PNKP: variants seen among roughly 807,000 people sequenced by gnomAD.
The protein encoded by PNKP is polynucleotide kinase 3'-phosphatase, also known as bifunctional polynucleotide phosphatase/kinase.
In PNKP, 82 loss-of-function variants were observed where a neutral mutation model predicts 66.2. The ratio of observed to expected loss-of-function variants is 1.24; its 90% CI spans 1.04 to 1.49. PNKP has a LOEUF of 1.49. Ranked by LOEUF, PNKP falls within the 40% of genes most tolerant of loss-of-function variation. The pLI is 0.00. For synonymous variants in PNKP, 412 were observed against 298.9 expected (o/e 1.38, Z -3.90); for missense variants, 907 against 706.8 (o/e 1.28, Z -3.21).
intron 5 of PNKP, 39 bp from the exon 6 acceptor site, chr19:49,864,275 A>G: frequency 5.0e-6 from 8 of 1,611,940 alleles, no homozygotes; most frequent in African/African-American, 1.3e-5. Flanking sequence ...ACCCGGGGCC[A>G]GAGGTGGACT....
chr19:49,862,491 C>T (rs747977367), intron 10 of PNKP, 28 bp from the exon 11 acceptor site: 10 of 1,596,580 alleles, frequency 6.3e-6, no homozygotes, highest in Non-Finnish European at 7.7e-6. Flanking sequence ...ACATCAGACA[C>T]AGGCCAGGGT....
At position 49,865,196 on chromosome 19, in the gene PNKP, T is replaced by G. The variant is rs758847875; in HGVS notation, c.429A>C (p.Ser143=). The G allele has an allele frequency of 6.8e-6, 11 of 1,614,236 alleles. No homozygotes were observed. The highest frequency in any genetic ancestry group is 9.3e-6 in the Non-Finnish European group (11 of 1,180,038). The change falls in exon 4 of 17, where the codon TCA becomes TCC. Residue 143 remains serine (S), a synonymous_variant. Transcript: ENST00000322344. ...AELPKKRMRK[S]NPGWENLEKL... Reference sequence around the variant, plus strand: ...TCTCCAAGTTCTCCCAGCCGGGGTTTGACTTCCGCATACGCTTCTTCGGCA... The same window carrying G: ...TCTCCAAGTTCTCCCAGCCGGGGTTGGACTTCCGCATACGCTTCTTCGGCA...
chr19:49,862,854 T>C, intron 8 of PNKP, 116 bp from the exon 9 acceptor site: 3 of 1,101,770 alleles, frequency 2.7e-6, no homozygotes, highest in South Asian at 2.6e-5. Context: ...TCCCCCGACC[T>C]TTCATGTCCT....
In PNKP at chr19:49,865,130, G is replaced by A. The variant is rs1370450440; in HGVS notation, c.495C>T (p.Gly165=). The A allele has an allele frequency of 6.2e-7, 1 of 1,613,540 alleles. No individual in the cohort carries two copies. The highest frequency in any genetic ancestry group is 1.7e-5 in the Admixed American group (1 of 60,026). The part of the protein sequence containing the change: ...VFTAAGVKPQ[G]KVAGFDLDGT... ...CAGCCCTCGGCGTGGCCCTCACCTT[G>A]CCCTGGGGTTTCACCCCAGCTGCGG... The change falls in exon 4 of 17, where the codon GGC becomes GGT. Residue 165 remains glycine, a synonymous_variant. Coordinates refer to ENST00000322344, the MANE Select transcript of PNKP (RefSeq NM_007254.4).
intron 10 of PNKP, 24 bp from the exon 11 acceptor site, chr19:49,862,487 G>A (rs2074782689): frequency 6.3e-7 from 1 of 1,596,248 alleles, no homozygotes; most frequent in South Asian, 1.1e-5. Context: ...ACGAACATCA[G>A]ACACAGGCCA....
At position 49,862,111 on chromosome 19, in the gene PNKP, T is replaced by TG. The variant is rs757518270; in HGVS notation, c.1127-7dup. 2.0e-5 allele frequency: 32 copies of TG among 1,613,918 alleles called. No individual in the cohort carries two copies. The East Asian group carries it at 4.0e-4, about 20-fold the overall frequency. On this transcript the variant is annotated splice_polypyrimidine_tract_variant and splice_region_variant and intron_variant, in intron 12 of 16. Transcript: ENST00000322344. ...GAGAAAGGTGGACTTCCCGGCTGTG[T>TG]GGGGGGCAGTGTCGGTGGGTGGCCT...
chr19:49,863,835 GT>G, intron 7 of PNKP, 75 bp from the exon 8 acceptor site: 1 of 1,434,822 alleles, frequency 7.0e-7, no homozygotes, highest in South Asian at 1.2e-5. Flanking sequence ...CCCAGAATTT[GT>G]AGCTGATGAT....
intron 7 of PNKP, 52 bp from the exon 8 acceptor site, chr19:49,863,812 G>C (rs1178906165): frequency 2.0e-6 from 3 of 1,498,406 alleles, no homozygotes; most frequent in Non-Finnish European, 2.7e-6. Context: ...GCACCTACTG[G>C]ATGCCACCCC....
Position 49,867,159 on chromosome 19 carries a change from G to C in PNKP, c.46C>G (p.Pro16Ala), listed in dbSNP as rs1843582554. 6.2e-7 allele frequency: 1 copy of C among 1,611,482 alleles called. No homozygotes were observed. Among genetic ancestry groups the C allele is most frequent in the Non-Finnish European group, 8.5e-7 (1 of 1,179,300 alleles). ...AGGAAGATGGGGGGCGCTCCCCCAGGGGGGCTCTCGAGCCACAAGCGGCCC... is the reference window on the plus strand; with the variant it reads ...AGGAAGATGGGGGGCGCTCCCCCAGCGGGGCTCTCGAGCCACAAGCGGCCC... ...APGRLWLESPPGGAPPIFLPS... is the reference protein window; with the variant it reads ...APGRLWLESPAGGAPPIFLPS... The change falls in exon 2 of 17, where the codon CCT becomes GCT. Residue 16 changes from proline (P) to alanine (A), a missense_variant. Pro to Ala is a conservative substitution (Grantham distance 27). Transcript: ENST00000322344.
In PNKP at chr19:49,864,236, C is replaced by T. The variant is rs145904995; in HGVS notation, c.579G>A (p.Arg193=). The T allele has an allele frequency of 3.0e-3, 4,797 of 1,614,146 alleles. 61 individuals carry two copies. The highest frequency in any genetic ancestry group is 0.014 in the Middle Eastern group (84 of 6,062). Residue 193 remains arginine (R), a splice_region_variant and synonymous_variant, in exon 6 of 17, where the codon AGG becomes AGA. Transcript: ENST00000322344. ...TACGGGGAATCTCTGGGTACAAGAT[C>T]CTACGGCAGGTATGAAGCGGCAGGG... is the stretch of plus-strand genomic sequence containing the variant. The part of the protein sequence containing the change: ...KVFPTGPSDW[R]ILYPEIPRKL...
chr19:49,865,827 T>C, intron 3 of PNKP: 1 of 236,568 alleles, frequency 4.2e-6, no homozygotes, highest in Non-Finnish European at 8.5e-6. Context: ...TTGGCCAGGC[T>C]GGTCACAAAC....
At position 49,867,147 on chromosome 19, in the gene PNKP, G is replaced by A. The variant is rs3739168; in HGVS notation, c.58C>T (p.Pro20Ser). 14,370 of 1,612,296 alleles carry A rather than the reference G, an allele frequency of 8.9e-3. 84 individuals carry two copies. Among genetic ancestry groups the A allele is most frequent in the Middle Eastern group, 0.015 (91 of 6,044 alleles). Residue 20 changes from proline (P) to serine (S), a missense_variant, in exon 2 of 17, where the codon CCC becomes TCC. Pro to Ser is a moderately conservative substitution (Grantham distance 74). Transcript: ENST00000322344. ...CCGTCCGAGGGCAGGAAGATGGGGG[G>A]CGCTCCCCCAGGGGGGCTCTCGAGC... ...LWLESPPGGA[P>S]PIFLPSDGQA...
At chr19:49,866,674 C>T in intron 2 of PNKP, 1 of 633,214 alleles carries the variant, frequency 1.6e-6, no homozygotes, top group Non-Finnish European at 2.9e-6. Flanking sequence ...AATTGGTTTC[C>T]TCCTTGACAA....
chr19:49,861,227 T>A lies in PNKP; in HGVS notation c.*21A>T, dbSNP rs201872477. 1 of 1,489,374 alleles carries A rather than the reference T, an allele frequency of 6.7e-7. No individual in the cohort carries two copies. The highest frequency in any genetic ancestry group is 1.7e-5 in the Admixed American group (1 of 59,894). The allele number at this position is 1,489,374 out of a possible 1,614,324, so 92.3% of individuals were successfully genotyped here. ...GCTCAAGGAGAAACAGCGTTTATTG[T>A]GGAGGGGAGCTGGGCGGGGCTCAGC... is the stretch of plus-strand genomic sequence containing the variant. On this transcript the variant is annotated 3_prime_UTR_variant, in exon 17 of 17. Coordinates refer to ENST00000322344, the MANE Select transcript of PNKP (RefSeq NM_007254.4).
rs749118287 is a variant in PNKP at position 49,862,546 on chromosome 19, C to A, written c.928G>T (p.Asp310Tyr). Reference protein sequence around the residue: ...GRKKKDFSCADRLFALNLGLP... With the variant: ...GRKKKDFSCAYRLFALNLGLP... ...GGGGGCAGGGGCCTCACCAGGCGAT[C>A]GGCGCAGGAGAAGTCTTTCTTCTTC... The change falls in exon 10 of 17, where the codon GAT (aspartate) becomes TAT (tyrosine). Residue 310 changes from aspartate (D) to tyrosine (Y), a missense_variant. Coordinates refer to ENST00000322344, the MANE Select transcript of PNKP (RefSeq NM_007254.4). The A allele has an allele frequency of 1.2e-6, 2 of 1,609,960 alleles. No homozygotes were observed. Among genetic ancestry groups the A allele is most frequent in the Non-Finnish European group, 1.7e-6 (2 of 1,178,154 alleles).
In PNKP at chr19:49,861,770, ACCTGGCG is replaced by A; in HGVS notation, c.1293_1298+1del. On this transcript the variant is annotated splice_donor_variant and coding_sequence_variant, in exon 14 of 17. Coordinates refer to ENST00000322344, the MANE Select transcript of PNKP (RefSeq NM_007254.4). LOFTEE classifies it high-confidence loss of function. ...CCACCTACGGCCCCGCGGTCACGCT[ACCTGGCG>A]CGGCTCGCGGCGTCTGGGTTTGTGT... is the stretch of plus-strand genomic sequence containing the variant. 1 of 1,569,172 alleles carries A rather than the reference ACCTGGCG, an allele frequency of 6.4e-7. No individual in the cohort carries two copies. The highest frequency in any genetic ancestry group is 2.4e-5 in the East Asian group (1 of 41,918).
chr19:49,861,500 A>G lies in PNKP; in HGVS notation c.1397T>C (p.Met466Thr), dbSNP rs145886749. The change falls in exon 16 of 17, where the codon ATG (methionine) becomes ACG (threonine). Residue 466 changes from methionine to threonine, a missense_variant. Transcript: ENST00000322344. ...CACGGGGATATGAGAGGAGTCCGTCATCTCTCGAAACTGTGGGGAACATCA... is the reference window on the plus strand; with the variant it reads ...CACGGGGATATGAGAGGAGTCCGTCGTCTCTCGAAACTGTGGGGAACATCA... ...QARHNNRFRE[M>T]TDSSHIPVSD... 221 of 1,610,166 alleles carry G rather than the reference A, an allele frequency of 1.4e-4. No individual in the cohort carries two copies. The highest frequency in any genetic ancestry group is 1.7e-4 in the Non-Finnish European group (204 of 1,178,816).
intron 14 of PNKP, 29 bp from the exon 15 acceptor site, chr19:49,861,724 C>G (rs2074765631): frequency 6.5e-7 from 1 of 1,548,658 alleles, no homozygotes; most frequent in Non-Finnish European, 8.7e-7. Context: ...GATGTGCAGG[C>G]CCCGCCCACC....
At chr19:49,864,454 T>C (rs767243528) in intron 4 of PNKP, 51 bp from the exon 5 acceptor site, 2 of 1,395,698 alleles carry the variant, frequency 1.4e-6, no homozygotes, top group Admixed American at 3.3e-5. Context: ...CCTCTGACCC[T>C]CCTCACTCAC....
Sources: allele counts gnomAD v4.1 joint callset, GRCh38; gene constraint gnomAD v4.1.1; transcripts MANE v1.5; gene names NCBI Gene and HGNC (gene_info 2026-07-23, HGNC 2026-07-21).